TRIM7: variants seen among roughly 807,000 people sequenced by gnomAD.
TRIM7 encodes E3 ubiquitin-protein ligase TRIM7.
Under a neutral mutation model 37.9 loss-of-function variants are expected in TRIM7, and 32 were observed. The observed-to-expected ratio is 0.84, with a 90% CI of 0.64 to 1.13. The LOEUF (loss-of-function observed/expected upper bound fraction) is 1.13. TRIM7 is among the 50% of genes most tolerant of loss of function. The probability of loss-of-function intolerance (pLI) is 0.00; values close to 1 mark genes in which losing one functional copy is unlikely to be tolerated. For synonymous variants in TRIM7, 351 were observed against 321.3 expected (o/e 1.09, Z -0.99); for missense variants, 732 against 714.0 (o/e 1.03, Z -0.29).
In TRIM7 at chr5:181,205,174, G is replaced by T; in HGVS notation, c.-64C>A. On this transcript the variant is annotated 5_prime_UTR_variant, in exon 1 of 7. Transcript: ENST00000274773. ...CGGCCACTGGACCTCACAGGACGCG[G>T]AGCTGGGCGCCGAGGGCCCACTGGG... 6 of 1,269,044 alleles carry T rather than the reference G, an allele frequency of 4.7e-6. No homozygotes were observed. The highest frequency in any genetic ancestry group is 6.0e-6 in the Non-Finnish European group (6 of 1,006,052). 78.6% of individuals were successfully genotyped at this position (1,269,044 alleles called of 1,614,324 possible).
At chr5:181,204,500 C>T (rs1006590335) in intron 1 of TRIM7, 89 bp downstream of exon 1, 1 of 1,255,662 alleles carries the variant, frequency 8.0e-7, no homozygotes, top group African/African-American at 1.6e-5. Flanking sequence ...TCCTGATCGA[C>T]AGGCTGTTCT....
In TRIM7 at chr5:181,195,114, G is replaced by A. The variant is rs1582219272; in HGVS notation, c.*52C>T. 6.5e-6 allele frequency: 10 copies of A among 1,546,534 alleles called. No homozygotes were observed. The highest frequency in any genetic ancestry group is 8.7e-6 in the Non-Finnish European group (10 of 1,143,734). ...ACGGACCAGGCATCTCTGGGGAGGCGACATCCCCTCCCACCGGCAGCCCAG... is the reference window on the plus strand; with the variant it reads ...ACGGACCAGGCATCTCTGGGGAGGCAACATCCCCTCCCACCGGCAGCCCAG... On this transcript the variant is annotated 3_prime_UTR_variant, in exon 7 of 7. Transcript: ENST00000274773.
chr5:181,197,900 G>A, intron 6 of TRIM7: 1 of 510,648 alleles, frequency 2.0e-6, no homozygotes, highest in East Asian at 3.5e-5. Context: ...ACCGGGTAGA[G>A]GCTCACCCAG....
chr5:181,202,384 G>T (rs1757543509), intron 2 of TRIM7: 1 of 151,568 alleles, frequency 6.6e-6, no homozygotes, highest in South Asian at 2.1e-4. Flanking sequence ...GCTCCATGTT[G>T]GTCAGGCTGG....
intron 5 of TRIM7, 181 bp from the exon 6 acceptor site, chr5:181,198,399 A>G (rs1051197924): frequency 1.3e-5 from 9 of 687,052 alleles, no homozygotes; most frequent in Non-Finnish European, 2.0e-5. Context: ...ATACCCAAGC[A>G]TTCTAGCTCT....
intron 5 of TRIM7, 76 bp from the exon 6 acceptor site, chr5:181,198,294 T>C: frequency 6.9e-7 from 1 of 1,455,830 alleles, no homozygotes; most frequent in South Asian, 1.2e-5. Flanking sequence ...GCTCTTTATA[T>C]CCCAACTGAC....
Position 181,195,677 on chromosome 5 carries a change from A to G in TRIM7, c.1025T>C (p.Val342Ala), listed in dbSNP as rs774991145. The G allele has an allele frequency of 4.6e-6, 7 of 1,518,390 alleles. No homozygotes were observed. In the East Asian group the frequency reaches 1.2e-4, roughly 25 times the overall value. 94.1% of individuals were successfully genotyped at this position (1,518,390 alleles called of 1,614,324 possible). A position where few individuals can be genotyped will look rare whatever the true frequency, so the allele number is the denominator to read the frequency against. ...CGTGTCGGGATCCAAGGTGAGCTCC[A>G]CTGCAGACAGAGACAGGGAGAAATG... ...LRGELEKEEK[V>A]ELTLDPDTAN... The change falls in exon 7 of 7, where the codon GTG becomes GCG. Residue 342 changes from valine (V) to alanine (A), a missense_variant and splice_region_variant. Transcript: ENST00000274773.
In TRIM7 at chr5:181,195,267, C is replaced by T. The variant is rs1378981279; in HGVS notation, c.1435G>A (p.Asp479Asn). The part of the protein sequence containing the change: ...VGAVSFYAVE[D>N]MRHLYTFRVN... Reference sequence around the variant, plus strand: ...CGGAAGGTGTAGAGGTGGCGCATGTCCTCCACAGCGTAGAAGGACACGGCT... The same window carrying T: ...CGGAAGGTGTAGAGGTGGCGCATGTTCTCCACAGCGTAGAAGGACACGGCT... Residue 479 changes from aspartate to asparagine, a missense_variant, in exon 7 of 7, where the codon GAC (aspartate) becomes AAC (asparagine). By Grantham distance (23) the Asp-to-Asn change is conservative (BLOSUM62 1). Coordinates refer to ENST00000274773, the MANE Select transcript of TRIM7 (RefSeq NM_203293.3). The T allele has an allele frequency of 4.3e-6, 7 of 1,610,614 alleles. No homozygotes were observed. The highest frequency in any genetic ancestry group is 5.1e-6 in the Non-Finnish European group (6 of 1,178,642).
At chr5:181,198,900 G>C (rs781264105) in intron 4 of TRIM7, 95 bp from the exon 5 acceptor site, 13 of 1,196,398 alleles carry the variant, frequency 1.1e-5, no homozygotes, top group Non-Finnish European at 1.6e-5. Context: ...GGCAGAAAGA[G>C]GTAGAAAAGG....
intron 2 of TRIM7, chr5:181,200,790 G>A: frequency 1.0e-6 from 1 of 985,746 alleles, no homozygotes; most frequent in Non-Finnish European, 1.2e-6. Flanking sequence ...CACACGTTTG[G>A]CACTCAATAT....
rs890418329 is a variant in TRIM7 at position 181,205,170 on chromosome 5, C to T, written c.-60G>A. The T allele has an allele frequency of 2.8e-5, 36 of 1,269,744 alleles. No homozygotes were observed. The highest frequency in any genetic ancestry group is 4.2e-5 in the Admixed American group (1 of 23,740). 78.7% of individuals were successfully genotyped at this position (1,269,744 alleles called of 1,614,324 possible). A position where few individuals can be genotyped will look rare whatever the true frequency, so the allele number is the denominator to read the frequency against. ...TGGGCGGCCACTGGACCTCACAGGA[C>T]GCGGAGCTGGGCGCCGAGGGCCCAC... On this transcript the variant is annotated 5_prime_UTR_variant, in exon 1 of 7. Transcript: ENST00000274773.
At chr5:181,198,024 G>T in intron 6 of TRIM7, 159 bp downstream of exon 6, 1 of 694,670 alleles carries the variant, frequency 1.4e-6, no homozygotes, top group Non-Finnish European at 2.5e-6. Flanking sequence ...CCCAGGATGG[G>T]GAGGGGGTGG....
chr5:181,203,452 G>T (rs1757629711), intron 2 of TRIM7, 93 bp downstream of exon 2: 2 of 1,566,448 alleles, frequency 1.3e-6, no homozygotes, highest in Non-Finnish European at 1.7e-6. Context: ...CGGTTCCATA[G>T]CACACACTCC....
intron 1 of TRIM7, chr5:181,204,386 T>G (rs1422283577): frequency 1.9e-5 from 22 of 1,142,228 alleles, no homozygotes; most frequent in East Asian, 1.0e-4. Context: ...GGGGGTGGGG[T>G]GGGGGTATTG....
At position 181,198,835 on chromosome 5, in the gene TRIM7, G is replaced by T. The variant is rs753995860; in HGVS notation, c.873-30C>A. 3.9e-6 allele frequency: 6 copies of T among 1,538,916 alleles called. No individual in the cohort carries two copies. In the East Asian group the frequency reaches 1.3e-4, roughly 35 times the overall value. On this transcript the variant is annotated intron_variant, in intron 4 of 6. Coordinates refer to ENST00000274773, the MANE Select transcript of TRIM7 (RefSeq NM_203293.3). ...AGGACAAGGGCTCTGAGAAGGGCCT[G>T]TGTGCACCATTTTGCTCCCACAGGC...
At chr5:181,202,210 ACT>A (rs1757532253) in intron 2 of TRIM7, 1 of 127,294 alleles carries the variant, frequency 7.9e-6, no homozygotes, top group African/African-American at 3.0e-5. Context: ...ATGGAGTTTC[ACT>A]CTCGTTGCCC....
chr5:181,196,104 A>G (rs6870229), intron 6 of TRIM7: 4,135 of 162,322 alleles, frequency 0.025, 170 homozygotes, highest in African/African-American at 0.092. Context: ...ACAGTAGGCC[A>G]GGCGCAGTGG....
chr5:181,204,485 G>T lies in TRIM7; in HGVS notation c.522+104C>A, dbSNP rs1431234283. On this transcript the variant is annotated intron_variant, in intron 1 of 6. Coordinates refer to ENST00000274773, the MANE Select transcript of TRIM7 (RefSeq NM_203293.3). ...GGAGAAAGAAGGGAGGGGCTCACCC[G>T]GGCCTCCTGATCGACAGGCTGTTCT... The T allele has an allele frequency of 2.5e-6, 3 of 1,222,576 alleles. No homozygotes were observed. In the African/African-American group the frequency reaches 4.8e-5, roughly 19 times the overall value. 75.7% of individuals were successfully genotyped at this position (1,222,576 alleles called of 1,614,324 possible). A position where few individuals can be genotyped will look rare whatever the true frequency, so the allele number is the denominator to read the frequency against.
intron 2 of TRIM7, chr5:181,203,278 G>A: frequency 2.3e-6 from 3 of 1,297,730 alleles, no homozygotes; most frequent in Non-Finnish European, 2.9e-6. Flanking sequence ...TAATATCAGA[G>A]TGACTGAGCG....
Sources: allele counts gnomAD v4.1 joint callset, GRCh38; gene constraint gnomAD v4.1.1; transcripts MANE v1.5; gene names NCBI Gene and HGNC (gene_info 2026-07-23, HGNC 2026-07-21).